Variants in PTPN2 observed in about 807,000 individuals in gnomAD.
The protein encoded by PTPN2 is protein tyrosine phosphatase non-receptor type 2.
In PTPN2, 19 loss-of-function variants were observed where a neutral mutation model predicts 57.3. That is an observed-to-expected ratio of 0.33 (90% CI 0.23 to 0.49). The LOEUF is 0.49. PTPN2 is among the 20% of genes least tolerant of loss of function. The pLI, the probability that PTPN2 is intolerant of heterozygous loss-of-function variation, is 0.99. For synonymous variants in PTPN2, 153 were observed against 164.9 expected (o/e 0.93, Z 0.55); for missense variants, 358 against 501.1 (o/e 0.71, Z 2.73).
chr18:12,827,902 A>C (rs1218717199), intron 4 of PTPN2, among the ~76,000 whole-genome samples: 1 of 152,170 alleles, frequency 6.6e-6, no homozygotes, highest in Non-Finnish European at 1.5e-5. Context: ...AAAATTTTAA[A>C]AAGTACTTGA....
intron 1 of PTPN2, among the ~76,000 whole-genome samples, chr18:12,865,994 T>C (rs532871072): frequency 2.2e-4 from 34 of 152,312 alleles, no homozygotes; most frequent in Non-Finnish European, 3.5e-4. Flanking sequence ...GGTAGCACTT[T>C]TAATAATAGC....
At chr18:12,839,999 C>A (rs2042991747) in intron 2 of PTPN2, among the ~76,000 whole-genome samples, 1 of 151,262 alleles carries the variant, frequency 6.6e-6, no homozygotes, top group Non-Finnish European at 1.5e-5. Context: ...GTAAAGACAT[C>A]TCCTTTTGGA....
intron 2 of PTPN2, among the ~76,000 whole-genome samples, chr18:12,838,255 C>CTGAA (rs1186965477): frequency 6.6e-6 from 1 of 152,174 alleles, no homozygotes; most frequent in African/African-American, 2.4e-5. Flanking sequence ...TATTGCACAA[C>CTGAA]TGAAAACAGC....
chr18:12,808,543 G>A (rs1156554677), intron 7 of PTPN2, among the ~76,000 whole-genome samples: 4 of 152,234 alleles, frequency 2.6e-5, no homozygotes, highest in Non-Finnish European at 5.9e-5. Flanking sequence ...CACTTTGGGA[G>A]GCTGAGGCAG....
Position 12,861,848 on chromosome 18 carries a change from G to C in PTPN2, c.70-2594C>G, listed in dbSNP as rs140417819. Among the ~76,000 whole-genome samples, 660 of 152,238 alleles carry C rather than the reference G, an allele frequency of 4.3e-3. 4 individuals carry two copies. The highest frequency in any genetic ancestry group is 0.015 in the African/African-American group (626 of 41,524). On this transcript the variant is annotated intron_variant, in intron 1 of 8. Coordinates refer to ENST00000309660, the MANE Select transcript of PTPN2 (RefSeq NM_002828.4). The stretch of plus-strand genomic sequence containing the variant: ...TGTCAGGTGCAGATTTCTATTTTTA[G>C]CCCAGAGAAACACACTTCTTTGTGT...
intron 1 of PTPN2, among the ~76,000 whole-genome samples, chr18:12,877,544 T>C (rs2044529706): frequency 1.3e-5 from 2 of 152,192 alleles, no homozygotes; most frequent in Non-Finnish European, 2.9e-5. Flanking sequence ...GTGTAACTAG[T>C]AGGCAAGGGA....
chr18:12,801,568 T>TTTA (rs914905113), intron 8 of PTPN2, among the ~76,000 whole-genome samples: 2 of 152,038 alleles, frequency 1.3e-5, no homozygotes, highest in Non-Finnish European at 2.9e-5. Context: ...TAATTATTTA[T>TTTA]TTATTATTAT....
intron 1 of PTPN2, among the ~76,000 whole-genome samples, chr18:12,866,536 A>G (rs1218481723): frequency 6.6e-6 from 1 of 152,226 alleles, no homozygotes; most frequent in Non-Finnish European, 1.5e-5. Flanking sequence ...AAATCTGGAG[A>G]CAGAAAGTAG....
chr18:12,863,847 T>G (rs556989178), intron 1 of PTPN2: 1 of 152,220 alleles, frequency 6.6e-6, no homozygotes, highest in Non-Finnish European at 1.5e-5. Flanking sequence ...ATTTTTAATA[T>G]GATTTTTGCT....
chr18:12,854,989 A>G (rs2043535542), intron 2 of PTPN2, among the ~76,000 whole-genome samples: 1 of 152,170 alleles, frequency 6.6e-6, no homozygotes, highest in Non-Finnish European at 1.5e-5. Flanking sequence ...TGTTTCTACT[A>G]AAATTACAAA....
intron 2 of PTPN2, among the ~76,000 whole-genome samples, chr18:12,850,967 C>T (rs1319540575): frequency 5.9e-5 from 9 of 151,990 alleles, no homozygotes; most frequent in African/African-American, 7.2e-5. Flanking sequence ...CTCAAACTCC[C>T]GACCTCAGGT....
At chr18:12,787,919 C>G (rs1404987419), downstream of PTPN2, 1 of 154,376 alleles carries the variant, frequency 6.5e-6, no homozygotes, top group Non-Finnish European at 1.5e-5. Flanking sequence ...ACTACCAAGT[C>G]AGCTCTATGC....
intron 2 of PTPN2, among the ~76,000 whole-genome samples, chr18:12,842,470 T>C (rs2043077600): frequency 6.6e-6 from 1 of 152,086 alleles, no homozygotes; most frequent in African/African-American, 2.4e-5. Flanking sequence ...CAGGTTGCAA[T>C]TCTAAACAGG....
intron 7 of PTPN2, among the ~76,000 whole-genome samples, chr18:12,807,586 A>AAAAAAAAAAAAAAAAAAAAAAAAATAT: frequency 2.8e-5 from 1 of 35,194 alleles, no homozygotes; most frequent in Non-Finnish European, 6.1e-5. Flanking sequence ...AAAAAAAAAA[A>AAAAAAAAAAAAAAAAAAAAAAAAATAT]ATATATATAT....
At chr18:12,846,236 G>C (rs555215196) in intron 2 of PTPN2, among the ~76,000 whole-genome samples, 2 of 152,270 alleles carry the variant, frequency 1.3e-5, no homozygotes, top group South Asian at 4.2e-4. Context: ...CTCCAGTGTA[G>C]AGGTACTATT....
At chr18:12,861,299 A>T (rs186231987) in intron 1 of PTPN2, among the ~76,000 whole-genome samples, 3 of 152,252 alleles carry the variant, frequency 2.0e-5, no homozygotes, top group Non-Finnish European at 2.9e-5. Context: ...TATCCCTTCC[A>T]AATGGAAAGT....
At chr18:12,826,021 A>C in intron 4 of PTPN2, 77 bp from the exon 5 acceptor site, 1 of 1,236,474 alleles carries the variant, frequency 8.1e-7, no homozygotes, top group Non-Finnish European at 1.1e-6. Context: ...AAATGAAAAC[A>C]AACCAGATAT....
intron 9 of PTPN2, chr18:12,786,607 A>G (rs2040850713): frequency 6.6e-6 from 1 of 152,234 alleles, no homozygotes; most frequent in East Asian, 1.9e-4. Context: ...TAGGAGGTCA[A>G]TGGTATTTCC....
rs1286306558 is a variant in PTPN2 at position 12,884,039 on chromosome 18, AGGTCGGCGACTGCCGCGTG to A, written c.69+15_69+33del. 1.0e-5 allele frequency: 16 copies of A among 1,537,556 alleles called. No individual in the cohort carries two copies. The highest frequency in any genetic ancestry group is 9.9e-5 in the East Asian group (4 of 40,392). On this transcript the variant is annotated intron_variant, in intron 1 of 8. Transcript: ENST00000309660. ...AGGGCACGAGTCCGGGTCTCGGAGGAGGTCGGCGACTGCCGCGTGGGTCCGCGACTCACCAAGTACAGCG... is the reference window on the plus strand; with the variant it reads ...AGGGCACGAGTCCGGGTCTCGGAGGAGGTCCGCGACTCACCAAGTACAGCG...
Sources: gnomAD v4.1 joint callset for allele counts (sites outside exome capture counted in the v4.1 genomes callset) on GRCh38, gnomAD v4.1.1 for gene constraint, MANE v1.5 for transcripts, NCBI Gene and HGNC (gene_info 2026-07-23, HGNC 2026-07-21) for gene names.